The following GRIP1 variants were observed in gnomAD, a reference collection of about 807,000 sequenced individuals.
The protein encoded by GRIP1 is glutamate receptor interacting protein 1.
GRIP1 carries 45 observed loss-of-function variants against 129.9 expected under a neutral mutation model. The observed-to-expected ratio is 0.35, with a 90% CI of 0.27 to 0.44. GRIP1 has a LOEUF of 0.44. Ranked by LOEUF, GRIP1 falls within the 20% of genes least tolerant of loss-of-function variation. GRIP1 has a pLI of 1.00. For synonymous variants in GRIP1, 530 were observed against 520.8 expected (o/e 1.02, Z -0.24); for missense variants, 1,196 against 1,396.8 (o/e 0.86, Z 2.29).
chr12:66,490,874 G>T (rs1565794891), intron 7 of GRIP1, among the ~76,000 whole-genome samples: 1 of 152,122 alleles, frequency 6.6e-6, no homozygotes, highest in African/African-American at 2.4e-5. Flanking sequence ...CCACATCACT[G>T]ATCATTAGAG....
chr12:66,695,277 T>G (rs2035117663), intron 1 of GRIP1, among the ~76,000 whole-genome samples: 1 of 152,070 alleles, frequency 6.6e-6, no homozygotes, highest in Non-Finnish European at 1.5e-5. Flanking sequence ...TAACCTGTTT[T>G]TTTTTTTTTT....
intron 1 of GRIP1, among the ~76,000 whole-genome samples, chr12:66,676,288 G>A (rs1369914026): frequency 6.6e-6 from 1 of 152,066 alleles, no homozygotes; most frequent in Non-Finnish European, 1.5e-5. Context: ...TCAAGAATGT[G>A]GGTGTTTGTA....
At chr12:66,376,590 C>T (rs1300607615) in intron 22 of GRIP1, among the ~76,000 whole-genome samples, 1 of 152,200 alleles carries the variant, frequency 6.6e-6, no homozygotes, top group East Asian at 1.9e-4. Context: ...CAATTAACAG[C>T]AATGTACTGT....
intron 1 of GRIP1, among the ~76,000 whole-genome samples, chr12:66,833,081 A>G (rs921041482): frequency 6.6e-6 from 1 of 152,174 alleles, no homozygotes; most frequent in African/African-American, 2.4e-5. Context: ...TCATGAAGCC[A>G]GTTTCTCCTG....
intron 1 of GRIP1, among the ~76,000 whole-genome samples, chr12:66,989,883 G>A (rs1173299822): frequency 1.3e-5 from 2 of 152,080 alleles, no homozygotes; most frequent in African/African-American, 4.8e-5. Context: ...GTGAGAGGCA[G>A]GGAAGAAAAG....
At chr12:66,857,131 C>T (rs1393325593) in intron 1 of GRIP1, among the ~76,000 whole-genome samples, 1 of 151,712 alleles carries the variant, frequency 6.6e-6, no homozygotes, top group African/African-American at 2.4e-5. Flanking sequence ...GGACAAAAAA[C>T]CAAACACCGC....
At chr12:66,977,431 G>T (rs1396176158) in intron 1 of GRIP1, among the ~76,000 whole-genome samples, 1 of 151,780 alleles carries the variant, frequency 6.6e-6, no homozygotes, top group Non-Finnish European at 1.5e-5. Context: ...TAACATAAAG[G>T]TTACAGAAAA....
chr12:66,465,717 C>T (rs905285223), intron 7 of GRIP1, among the ~76,000 whole-genome samples: 2 of 152,224 alleles, frequency 1.3e-5, no homozygotes, highest in African/African-American at 2.4e-5. Flanking sequence ...ATCCCCTCCA[C>T]AGTGCTTGGC....
At chr12:66,662,974 G>A (rs1249171974) in intron 1 of GRIP1, among the ~76,000 whole-genome samples, 13 of 152,194 alleles carry the variant, frequency 8.5e-5, no homozygotes. Context: ...TTCAAAGGGT[G>A]TGCCATAATA....
intron 7 of GRIP1, among the ~76,000 whole-genome samples, chr12:66,483,692 T>A (rs1313058849): frequency 6.6e-6 from 1 of 152,196 alleles, no homozygotes; most frequent in Non-Finnish European, 1.5e-5. Flanking sequence ...TGGAAGTATA[T>A]CAACATGCAG....
rs183157961 is a variant in GRIP1, at chr12:66,923,364, G to T, written c.58+145686C>A. 9.4e-4 allele frequency among the ~76,000 whole-genome samples: 143 copies of T among 152,176 alleles called. 1 individual carries two copies. The highest frequency in any genetic ancestry group is 3.3e-3 in the African/African-American group (136 of 41,514). On this transcript the variant is annotated intron_variant, in intron 1 of 1. Coordinates refer to the GRIP1 transcript ENST00000643019. ...TGTCTCAAAAACAGACAAAAAACTTGTCTTGCCATACTGCACATTATTTGG... is the reference window on the plus strand; with the variant it reads ...TGTCTCAAAAACAGACAAAAAACTTTTCTTGCCATACTGCACATTATTTGG...
At chr12:66,980,949 T>A (rs980649484) in intron 1 of GRIP1, among the ~76,000 whole-genome samples, 1 of 152,216 alleles carries the variant, frequency 6.6e-6, no homozygotes, top group Non-Finnish European at 1.5e-5. Context: ...ACTAGACAAC[T>A]AAAGGACCCA....
chr12:66,882,177 C>T (rs2040489361), intron 1 of GRIP1, among the ~76,000 whole-genome samples: 1 of 147,090 alleles, frequency 6.8e-6, no homozygotes, highest in Admixed American at 7.0e-5. Context: ...GCCCTATTGC[C>T]CGTGCCCCAT....
intron 5 of GRIP1, among the ~76,000 whole-genome samples, chr12:66,528,249 C>T (rs2061331140): frequency 6.6e-6 from 1 of 151,392 alleles, no homozygotes; most frequent in African/African-American, 2.4e-5. Context: ...ATTCTCCTGC[C>T]TCAGCCTCCT....
intron 1 of GRIP1, among the ~76,000 whole-genome samples, chr12:66,763,740 T>C (rs1196605328): frequency 6.6e-6 from 1 of 152,148 alleles, no homozygotes; most frequent in Non-Finnish European, 1.5e-5. Context: ...CAAATGAATC[T>C]TCTCATCCTG....
chr12:66,603,128 C>A (rs1258113190), intron 1 of GRIP1, among the ~76,000 whole-genome samples: 1 of 151,372 alleles, frequency 6.6e-6, no homozygotes, highest in Non-Finnish European at 1.5e-5. Context: ...TTCCATAATG[C>A]TGGATTATAG....
intron 1 of GRIP1, among the ~76,000 whole-genome samples, chr12:66,850,634 T>A (rs2039894066): frequency 6.6e-6 from 1 of 152,002 alleles, no homozygotes; most frequent in South Asian, 2.1e-4. Flanking sequence ...ACCTCTTAGA[T>A]GTGTAGGACA....
chr12:66,392,927 C>A, intron 17 of GRIP1, 111 bp from the exon 18 acceptor site: 1 of 1,036,332 alleles, frequency 9.6e-7, no homozygotes, highest in Non-Finnish European at 1.5e-6. Context: ...TGGTAAGGAT[C>A]TCCAGAAGTC....
intron 1 of GRIP1, among the ~76,000 whole-genome samples, chr12:66,609,417 C>A (rs1433007600): frequency 2.6e-5 from 4 of 152,078 alleles, no homozygotes; most frequent in Admixed American, 2.0e-4. Flanking sequence ...GGCTATCATA[C>A]CTGAGTTTTT....
Sources: allele counts gnomAD v4.1 joint callset (sites outside exome capture counted in the v4.1 genomes callset), GRCh38; gene constraint gnomAD v4.1.1; transcripts MANE v1.5; gene names NCBI Gene and HGNC (gene_info 2026-07-23, HGNC 2026-07-21).